Variants in C1orf87 observed in about 807,000 individuals in gnomAD.
C1orf87 encodes chromosome 1 open reading frame 87, also known as uncharacterized protein C1orf87.
Under a neutral mutation model 60.5 loss-of-function variants are expected in C1orf87, and 58 were observed. The ratio of observed to expected loss-of-function variants is 0.96; its 90% CI spans 0.78 to 1.19. The LOEUF (loss-of-function observed/expected upper bound fraction) is 1.19, where lower values mean the gene tolerates loss of function less well. Among genes scored for constraint, C1orf87 ranks in the 50% most tolerant of loss-of-function variants. The pLI is 0.00. For missense variants in C1orf87, 673 were observed against 638.6 expected, an observed-to-expected ratio of 1.05 and a Z score of -0.58; for synonymous variants, 236 against 227.4, an observed-to-expected ratio of 1.04 and a Z score of -0.34.
intron 2 of C1orf87, among the ~76,000 whole-genome samples, chr1:60,060,413 G>A (rs144917756): frequency 2.4e-4 from 37 of 152,102 alleles, no homozygotes; most frequent in African/African-American, 5.8e-4. Context: ...ACCAGACCTC[G>A]ACAAATAGTA....
At chr1:60,071,743 G>A (rs1435266069) in intron 2 of C1orf87, among the ~76,000 whole-genome samples, 1 of 152,108 alleles carries the variant, frequency 6.6e-6, no homozygotes, top group African/African-American at 2.4e-5. Flanking sequence ...GCTAGGTTTA[G>A]CAAAAATTTC....
intron 11 of C1orf87, among the ~76,000 whole-genome samples, chr1:59,994,267 G>C (rs61803760): frequency 0.097 from 14,563 of 150,104 alleles, 966 homozygotes; most frequent in Non-Finnish European, 0.14. Flanking sequence ...TAAATCTTCT[G>C]ATTAAAAAAA....
chr1:60,062,685 C>T (rs1645505413), intron 2 of C1orf87, among the ~76,000 whole-genome samples: 1 of 152,068 alleles, frequency 6.6e-6, no homozygotes. Context: ...ATCTTTTTCC[C>T]ATTGATTTGG....
At chr1:60,046,358 CTTTCA>C (rs1349275979) in intron 3 of C1orf87, among the ~76,000 whole-genome samples, 1 of 128,534 alleles carries the variant, frequency 7.8e-6, no homozygotes, top group Non-Finnish European at 1.6e-5. Flanking sequence ...TCTTCCTTTC[CTTTCA>C]TTCTTTCTCT....
intron 7 of C1orf87, among the ~76,000 whole-genome samples, chr1:60,031,211 T>G (rs546975398): frequency 6.6e-6 from 1 of 152,290 alleles, no homozygotes; most frequent in African/African-American, 2.4e-5. Flanking sequence ...TGAGGTGTGA[T>G]AGTGGCTGCT....
At chr1:59,996,229 T>C (rs913432011) in intron 11 of C1orf87, among the ~76,000 whole-genome samples, 1 of 152,206 alleles carries the variant, frequency 6.6e-6, no homozygotes, top group Admixed American at 6.5e-5. Context: ...TACTTCTAGA[T>C]GGTACTAATG....
chr1:60,009,227 T>C (rs1645066146), intron 9 of C1orf87, among the ~76,000 whole-genome samples: 1 of 152,092 alleles, frequency 6.6e-6, no homozygotes, highest in Middle Eastern at 3.4e-3. Context: ...CTGAGATATA[T>C]AGAAGACAGA....
intron 7 of C1orf87, among the ~76,000 whole-genome samples, chr1:60,028,921 C>T (rs554584851): frequency 6.6e-6 from 1 of 151,956 alleles, no homozygotes; most frequent in South Asian, 2.1e-4. Flanking sequence ...TACTCCTTAA[C>T]AATGAGTGCT....
At chr1:60,013,825 T>C (rs1380598734) in intron 8 of C1orf87, among the ~76,000 whole-genome samples, 2 of 152,064 alleles carry the variant, frequency 1.3e-5, no homozygotes, top group African/African-American at 4.8e-5. Flanking sequence ...ACAACTTCCA[T>C]CCATTCCTGG....
In C1orf87 at chr1:59,997,655, G is replaced by A; in HGVS notation, c.1434C>T (p.Phe478=). ...AEECETWIDR[F]RKLENALYLC... is the part of the protein sequence containing the mutation. The stretch of plus-strand genomic sequence containing the variant: ...GGTAGAGGGCATTTTCCAGCTTCCT[G>A]AACCTGTCTATCCACGTCTCACATT... Residue 478 remains phenylalanine, a synonymous_variant, in exon 11 of 12, where the codon TTC becomes TTT. Coordinates refer to ENST00000371201, the MANE Select transcript of C1orf87 (RefSeq NM_152377.3). The A allele has an allele frequency of 6.2e-7, 1 of 1,613,946 alleles. No homozygotes were observed.
At chr1:60,033,743 C>T in intron 6 of C1orf87, 102 bp from the exon 7 acceptor site, 1 of 1,323,486 alleles carries the variant, frequency 7.6e-7, no homozygotes, top group Non-Finnish European at 1.0e-6. Context: ...CACTATGGAA[C>T]CAGAGAGCCC....
chr1:59,996,413 A>G (rs1024358576), intron 11 of C1orf87, among the ~76,000 whole-genome samples: 1 of 152,088 alleles, frequency 6.6e-6, no homozygotes, highest in East Asian at 1.9e-4. Context: ...GCACATAGTC[A>G]TCAAGGATCC....
chr1:60,070,378 G>A (rs891087718), intron 2 of C1orf87, among the ~76,000 whole-genome samples: 2 of 151,800 alleles, frequency 1.3e-5, no homozygotes, highest in Non-Finnish European at 2.9e-5. Context: ...GTTTACTTAT[G>A]CTTCTTAAGT....
intron 9 of C1orf87, among the ~76,000 whole-genome samples, chr1:60,009,797 T>C (rs1277422760): frequency 6.6e-6 from 1 of 152,102 alleles, no homozygotes; most frequent in African/African-American, 2.4e-5. Flanking sequence ...TTGCTAAATA[T>C]TTTCCCCAAT....
At chr1:59,996,838 T>C (rs1436514006) in intron 11 of C1orf87, among the ~76,000 whole-genome samples, 2 of 152,310 alleles carry the variant, frequency 1.3e-5, no homozygotes, top group Admixed American at 1.3e-4. Flanking sequence ...CTCATGTATT[T>C]CTTTCCTCAA....
At chr1:60,062,174 A>C (rs1329110405) in intron 2 of C1orf87, among the ~76,000 whole-genome samples, 1 of 152,032 alleles carries the variant, frequency 6.6e-6, no homozygotes, top group Non-Finnish European at 1.5e-5. Context: ...GCTCCTACCA[A>C]CCTTGCAGCT....
At chr1:60,060,301 G>A (rs1334805382) in intron 2 of C1orf87, among the ~76,000 whole-genome samples, 2 of 151,964 alleles carry the variant, frequency 1.3e-5, no homozygotes, top group Non-Finnish European at 2.9e-5. Flanking sequence ...GTGTGACTTT[G>A]GGAATATCTG....
At chr1:60,005,383 G>A (rs1645036488) in intron 9 of C1orf87, among the ~76,000 whole-genome samples, 1 of 152,052 alleles carries the variant, frequency 6.6e-6, no homozygotes, top group South Asian at 2.1e-4. Context: ...GCATTCTGAT[G>A]GAGAGAACAA....
chr1:59,994,634 T>A (rs1026505427), intron 11 of C1orf87, among the ~76,000 whole-genome samples: 1 of 152,212 alleles, frequency 6.6e-6, no homozygotes, highest in Non-Finnish European at 1.5e-5. Flanking sequence ...ACTGTTTTTT[T>A]TTCTTTAGAA....
Sources: allele counts gnomAD v4.1 joint callset (sites outside exome capture counted in the v4.1 genomes callset), GRCh38; gene constraint gnomAD v4.1.1; transcripts MANE v1.5; gene names NCBI Gene and HGNC (gene_info 2026-07-23, HGNC 2026-07-21).